DIS3L2: variants seen among roughly 807,000 people sequenced by gnomAD.
The protein encoded by DIS3L2 is DIS3-like exonuclease 2.
In DIS3L2, 34 loss-of-function variants were observed where a neutral mutation model predicts 97.5. The ratio of observed to expected loss-of-function variants is 0.35; its 90% CI spans 0.27 to 0.46. The LOEUF (loss-of-function observed/expected upper bound fraction) is 0.46. Among genes scored for constraint, DIS3L2 ranks in the 20% least tolerant of loss-of-function variants. The pLI, the probability that DIS3L2 is intolerant of heterozygous loss-of-function variation, is 1.00. For missense variants in DIS3L2, 1,038 were observed against 1,146.0 expected (o/e 0.91, Z 1.36); for synonymous variants, 435 against 445.2 (o/e 0.98, Z 0.29).
intron 14 of DIS3L2, 28 bp from the exon 15 acceptor site, chr2:232,329,785 T>TCCCGGGGGGCCCCCCCC: frequency 5.2e-6 from 5 of 967,136 alleles, no homozygotes; most frequent in Non-Finnish European, 5.8e-6. Context: ...ACCCCAGCGG[T>TCCCGGGGGGCCCCCCCC]CCCTCCCATC....
chr2:232,330,132 G>A (rs1559216397), intron 15 of DIS3L2, 136 bp downstream of exon 15: 1 of 1,103,582 alleles, frequency 9.1e-7, no homozygotes, highest in African/African-American at 1.6e-5. Flanking sequence ...TGTAGGGAAG[G>A]AGGCCCTGGG....
At chr2:232,322,350 G>A (rs1695460372) in intron 14 of DIS3L2, among the ~76,000 whole-genome samples, 1 of 152,202 alleles carries the variant, frequency 6.6e-6, no homozygotes, top group African/African-American at 2.4e-5. Context: ...GATGGACCGA[G>A]AGTGGCAAAG....
Position 232,336,965 on chromosome 2 carries a change from G to C in DIS3L2, c.*335G>C. 8.6e-7 allele frequency: 1 copy of C among 1,162,358 alleles called. No individual in the cohort carries two copies. Among genetic ancestry groups the C allele is most frequent in the Non-Finnish European group, 1.1e-6 (1 of 936,520 alleles). 72.0% of individuals were successfully genotyped at this position (1,162,358 alleles called of 1,614,324 possible). ...ACTCAGTGTCACAGAATAAAATCAAGTGTGGAGTGCCATCTGGTGTGTAGG... is the reference window on the plus strand; with the variant it reads ...ACTCAGTGTCACAGAATAAAATCAACTGTGGAGTGCCATCTGGTGTGTAGG... On this transcript the variant is annotated 3_prime_UTR_variant, in exon 21 of 21. Transcript: ENST00000325385.
Position 232,210,409 on chromosome 2 carries a change from G to A in DIS3L2, c.1204+4G>A, listed in dbSNP as rs1268142936. On this transcript the variant is annotated splice_donor_region_variant and intron_variant, in intron 10 of 20. Transcript: ENST00000325385. The stretch of plus-strand genomic sequence containing the variant: ...TCCTGCAAGCCACTCGCTGACGGTA[G>A]GATGGAAATTTCTATAGCATCTTGG... The A allele has an allele frequency of 8.1e-6, 13 of 1,612,762 alleles. No homozygotes were observed. The highest frequency in any genetic ancestry group is 1.6e-4 in the Middle Eastern group (1 of 6,078).
At chr2:231,979,538 A>T (rs1198617130) in intron 1 of DIS3L2, among the ~76,000 whole-genome samples, 1 of 151,828 alleles carries the variant, frequency 6.6e-6, no homozygotes, top group Non-Finnish European at 1.5e-5. Context: ...GCCAGGCCTG[A>T]AGGTTATTTA....
chr2:232,062,016 T>A (rs1455661815), intron 5 of DIS3L2, among the ~76,000 whole-genome samples: 2 of 152,154 alleles, frequency 1.3e-5, no homozygotes, highest in African/African-American at 4.8e-5. Flanking sequence ...ACAGATATAT[T>A]TTTTTAAAAT....
At chr2:232,165,934 A>C (rs1265202128) in intron 9 of DIS3L2, among the ~76,000 whole-genome samples, 1 of 152,114 alleles carries the variant, frequency 6.6e-6, no homozygotes, top group African/African-American at 2.4e-5. Flanking sequence ...CTGGTAAATA[A>C]TAAGCATGTT....
chr2:232,310,141 C>T (rs1695085323), intron 14 of DIS3L2, among the ~76,000 whole-genome samples: 2 of 152,222 alleles, frequency 1.3e-5, no homozygotes, highest in Non-Finnish European at 2.9e-5. Context: ...AGGGCGAGAG[C>T]CTCCAGGCCT....
chr2:232,091,160 A>T (rs1050126754), intron 6 of DIS3L2, among the ~76,000 whole-genome samples: 5 of 152,234 alleles, frequency 3.3e-5, no homozygotes, highest in African/African-American at 1.2e-4. Flanking sequence ...TGTGGAGCTT[A>T]GGGACAACCA....
intron 9 of DIS3L2, among the ~76,000 whole-genome samples, chr2:232,173,673 A>G (rs1297441381): frequency 1.3e-5 from 2 of 152,206 alleles, no homozygotes; most frequent in African/African-American, 4.8e-5. Context: ...CAGCACCATA[A>G]GAAAAACTTG....
chr2:232,261,233 C>T lies in DIS3L2; in HGVS notation c.1426-1974C>T, dbSNP rs571639651. The stretch of plus-strand genomic sequence containing the variant: ...CCTTCCTTCCTTCCTCCCCACCAGG[C>T]TGGGCTTCCTCTGTCCAGGATGGAT... On this transcript the variant is annotated intron_variant, in intron 12 of 20. Coordinates refer to ENST00000325385, the MANE Select transcript of DIS3L2 (RefSeq NM_152383.5). 3.0e-4 allele frequency among the ~76,000 whole-genome samples: 46 copies of T among 152,292 alleles called. 1 individual carries two copies. The highest frequency in any genetic ancestry group is 7.8e-4 in the Admixed American group (12 of 15,288).
chr2:232,130,085 A>G (rs922280117), intron 6 of DIS3L2, among the ~76,000 whole-genome samples: 3 of 152,204 alleles, frequency 2.0e-5, no homozygotes, highest in Non-Finnish European at 4.4e-5. Context: ...TACTCTTTAT[A>G]TAATGTCACT....
intron 13 of DIS3L2, among the ~76,000 whole-genome samples, chr2:232,279,950 A>T (rs746728105): frequency 9.9e-5 from 15 of 152,180 alleles, no homozygotes; most frequent in Admixed American, 6.5e-5. Flanking sequence ...TCTCTGGCTT[A>T]TCTTTTCCTG....
intron 5 of DIS3L2, among the ~76,000 whole-genome samples, chr2:232,051,715 G>C (rs1228054112): frequency 2.7e-5 from 4 of 147,026 alleles, no homozygotes; most frequent in Non-Finnish European, 6.0e-5. Flanking sequence ...GGGAGGCTGA[G>C]GCAGGAGAAT....
chr2:232,161,945 G>A (rs1690666043), intron 8 of DIS3L2, among the ~76,000 whole-genome samples: 1 of 151,924 alleles, frequency 6.6e-6, no homozygotes, highest in Non-Finnish European at 1.5e-5. Context: ...GCTAATTTTT[G>A]TATTTTTGAT....
At position 232,205,807 on chromosome 2, in the gene DIS3L2, A is replaced by G. The variant is rs545870820; in HGVS notation, c.1125-4519A>G. On this transcript the variant is annotated intron_variant, in intron 9 of 20. Transcript: ENST00000325385. ...TTATTTATTTTATTTTGTACAGCAG[A>G]CAGTTCATATAGCATAAAAAGGGAA... Among the ~76,000 whole-genome samples the G allele has an allele frequency of 2.1e-3, 326 of 152,360 alleles. 2 individuals are homozygous for G. Among genetic ancestry groups the G allele is most frequent in the African/African-American group, 7.4e-3 (308 of 41,588 alleles).
intron 14 of DIS3L2, 28 bp from the exon 15 acceptor site, chr2:232,329,785 T>TGCCGGGGGGGGGGGCC: frequency 1.1e-5 from 11 of 967,140 alleles, no homozygotes; most frequent in South Asian, 2.1e-5. Flanking sequence ...ACCCCAGCGG[T>TGCCGGGGGGGGGGGCC]CCCTCCCATC....
intron 8 of DIS3L2, among the ~76,000 whole-genome samples, chr2:232,156,686 G>T (rs1039654610): frequency 1.3e-5 from 2 of 152,064 alleles, no homozygotes; most frequent in Non-Finnish European, 2.9e-5. Context: ...TTGTATCCTG[G>T]AGGATAGCAT....
chr2:232,229,346 C>T (rs574347856), intron 10 of DIS3L2, among the ~76,000 whole-genome samples: 7 of 152,312 alleles, frequency 4.6e-5, no homozygotes, highest in African/African-American at 1.7e-4. Flanking sequence ...CTTTGACCTG[C>T]TCACTTTGTA....
Sources: allele counts gnomAD v4.1 joint callset (sites outside exome capture counted in the v4.1 genomes callset), GRCh38; gene constraint gnomAD v4.1.1; transcripts MANE v1.5; gene names NCBI Gene and HGNC (gene_info 2026-07-23, HGNC 2026-07-21).